The following MARCO variants were observed in gnomAD, a reference collection of about 807,000 sequenced individuals.
MARCO encodes the protein macrophage receptor with collagenous structure.
In MARCO, 72 loss-of-function variants were observed where a neutral mutation model predicts 70.0. The observed-to-expected ratio is 1.03, with a 90% CI of 0.85 to 1.25. MARCO has a LOEUF of 1.25. Ranked by LOEUF, MARCO falls within the 50% of genes most tolerant of loss-of-function variation. The pLI is 0.00. For synonymous variants in MARCO, 273 were observed against 243.1 expected, an observed-to-expected ratio of 1.12 and a Z score of -1.14; for missense variants, 696 against 659.3, an observed-to-expected ratio of 1.06 and a Z score of -0.61.
rs950675474 is a variant in MARCO, at chr2:118,994,475, T to C, written c.1518T>C (p.His506=). The change falls in exon 17 of 17, where the codon CAT becomes CAC. Residue 506 remains histidine, a synonymous_variant. Coordinates refer to ENST00000327097, the MANE Select transcript of MARCO (RefSeq NM_006770.4). ...WSCTKNSWGH[H]DCSHEEDAGV... ...GCACCAAGAATAGCTGGGGCCATCA[T>C]GACTGCAGCCACGAGGAGGACGCAG... 8.1e-6 allele frequency: 13 copies of C among 1,612,934 alleles called. No homozygotes were observed. Among genetic ancestry groups the C allele is most frequent in the Middle Eastern group, 3.3e-4 (2 of 6,072 alleles).
At chr2:118,952,081 C>T (rs1247651835) in intron 1 of MARCO, among the ~76,000 whole-genome samples, 1 of 152,132 alleles carries the variant, frequency 6.6e-6, no homozygotes, top group Non-Finnish European at 1.5e-5. Context: ...GGAGCTTAGC[C>T]TCTTTCTTAC....
intron 10 of MARCO, among the ~76,000 whole-genome samples, chr2:118,981,922 G>A (rs1409876473): frequency 6.6e-6 from 1 of 152,148 alleles, no homozygotes; most frequent in Non-Finnish European, 1.5e-5. Flanking sequence ...CTCCTAGTAA[G>A]TCCATAAGTC....
At chr2:118,972,188 T>G (rs1174311564) in intron 4 of MARCO, among the ~76,000 whole-genome samples, 1 of 152,234 alleles carries the variant, frequency 6.6e-6, no homozygotes, top group African/African-American at 2.4e-5. Context: ...ATGTGCTCTC[T>G]GAGGACAAGG....
In MARCO at chr2:118,974,417, C is replaced by T. The variant is rs775466309; in HGVS notation, c.545C>T (p.Ala182Val). Residue 182 changes from alanine (A) to valine (V), a missense_variant, in exon 5 of 17, where the codon GCT becomes GTT. Physicochemically the swap from Ala to Val is moderately conservative, Grantham distance 64 (BLOSUM62 0). Around this residue, in one of 3 missense-constraint regions of MARCO, gnomAD observed 605 missense variants for 537.6 expected, o/e 1.13. Transcript: ENST00000327097. ...GPPAEKGAKGAMGRDGATGPS... is the reference protein window; with the variant it reads ...GPPAEKGAKGVMGRDGATGPS... ...CCTGCTGAGAAGGGAGCCAAGGGGG[C>T]TATGGGACGAGATGGAGCAACAGGT... 8.1e-6 allele frequency: 13 copies of T among 1,612,688 alleles called. No homozygotes were observed. The highest frequency in any genetic ancestry group is 2.2e-5 in the South Asian group (2 of 90,676).
chr2:118,979,557 C>A (rs553468371), intron 8 of MARCO, among the ~76,000 whole-genome samples: 18 of 152,288 alleles, frequency 1.2e-4, no homozygotes, highest in Non-Finnish European at 2.2e-4. Flanking sequence ...AGAGAAGGGG[C>A]CTCAGCCAGG....
In MARCO at chr2:118,986,722, A is replaced by AAAGAAAAG. The variant is rs1419714812; in HGVS notation, c.1064-3865_1064-3864insGAAAAGAA. 2.0e-5 allele frequency among the ~76,000 whole-genome samples: 2 copies of AAAGAAAAG among 98,982 alleles called. 1 individual carries two copies. The highest frequency in any genetic ancestry group is 1.7e-4 in the African/African-American group (2 of 12,070). The allele number at this position is 98,982 out of a possible 152,430, so 64.9% of individuals were successfully genotyped here. The stretch of plus-strand genomic sequence containing the variant: ...GAAAGAAAGAAAGAAAGAAAGAAAG[A>AAAGAAAAG]AAAGAAAGAAAGAAAGAGAAAGAAA... On this transcript the variant is annotated intron_variant, in intron 12 of 16. Coordinates refer to ENST00000327097, the MANE Select transcript of MARCO (RefSeq NM_006770.4).
At chr2:118,969,655 G>C (rs184502295) in intron 2 of MARCO, among the ~76,000 whole-genome samples, 2 of 152,320 alleles carry the variant, frequency 1.3e-5, no homozygotes, top group East Asian at 3.9e-4. Context: ...CCAATCTAAA[G>C]GTTAAAGTCA....
intron 3 of MARCO, among the ~76,000 whole-genome samples, chr2:118,970,553 G>A (rs946411368): frequency 6.6e-6 from 1 of 152,190 alleles, no homozygotes; most frequent in Admixed American, 6.5e-5. Context: ...GCCTGGGGCG[G>A]TTCCCTGGAC....
intron 1 of MARCO, among the ~76,000 whole-genome samples, chr2:118,947,205 T>A (rs1168157644): frequency 6.6e-6 from 1 of 152,236 alleles, no homozygotes; most frequent in Non-Finnish European, 1.5e-5. Flanking sequence ...GTATGTATTA[T>A]GCTTTCGGTG....
chr2:118,977,571 C>G (rs896700282), intron 7 of MARCO, 56 bp downstream of exon 7: 4 of 1,508,790 alleles, frequency 2.7e-6, no homozygotes, highest in Non-Finnish European at 2.8e-6. Context: ...GGCACTGAGG[C>G]AGTTCCCCCC....
intron 1 of MARCO, among the ~76,000 whole-genome samples, chr2:118,944,081 G>A (rs1238556489): frequency 6.6e-6 from 1 of 152,106 alleles, no homozygotes. Flanking sequence ...GGAGGAAGAC[G>A]CAGGAGTTAA....
rs1221791454 is a variant in MARCO, at chr2:118,982,188, C to T, written c.934C>T (p.Pro312Ser). ...TGGACTGCAGGGTGTTCCGGGCCCT[C>T]CTGGTGCAGTGGGACACCCAGGTGC... is the stretch of plus-strand genomic sequence containing the variant. The part of the protein sequence containing the change: ...QPGLQGVPGP[P>S]GAVGHPGAKG... Residue 312 changes from proline to serine, a missense_variant, in exon 11 of 17, where the codon CCT becomes TCT. Pro to Ser is a moderately conservative substitution (Grantham distance 74). Transcript: ENST00000327097. The T allele has an allele frequency of 1.2e-6, 2 of 1,613,130 alleles. No homozygotes were observed. The highest frequency in any genetic ancestry group is 2.2e-5 in the East Asian group (1 of 44,862).
intron 12 of MARCO, among the ~76,000 whole-genome samples, chr2:118,985,072 C>T (rs1413984053): frequency 1.3e-5 from 2 of 152,140 alleles, no homozygotes; most frequent in African/African-American, 4.8e-5. Flanking sequence ...GGGCCAGGCA[C>T]TGTGCCTGGG....
chr2:118,977,081 G>A (rs1680296046), intron 6 of MARCO, among the ~76,000 whole-genome samples: 1 of 152,144 alleles, frequency 6.6e-6, no homozygotes, highest in South Asian at 2.1e-4. Flanking sequence ...ACAAGAGCAG[G>A]AACTCACTCC....
intron 1 of MARCO, among the ~76,000 whole-genome samples, chr2:118,953,546 G>T (rs951302628): frequency 2.0e-5 from 3 of 152,150 alleles, no homozygotes; most frequent in East Asian, 1.9e-4. Context: ...TTCTGGAGGT[G>T]GGGGGAACGA....
chr2:118,951,738 T>C (rs371150919), intron 1 of MARCO, among the ~76,000 whole-genome samples: 1 of 152,246 alleles, frequency 6.6e-6, no homozygotes, highest in East Asian at 1.9e-4. Flanking sequence ...AAATTTACCC[T>C]GGCTTTTAAA....
At chr2:118,980,419 T>C (rs891360524) in intron 8 of MARCO, among the ~76,000 whole-genome samples, 2 of 152,212 alleles carry the variant, frequency 1.3e-5, no homozygotes, top group African/African-American at 4.8e-5. Context: ...CAGCACTCAA[T>C]GCTAAGACCC....
intron 12 of MARCO, among the ~76,000 whole-genome samples, chr2:118,986,422 G>C (rs1017776886): frequency 6.6e-6 from 1 of 151,766 alleles, no homozygotes; most frequent in Non-Finnish European, 1.5e-5. Flanking sequence ...GCTGAAGGAG[G>C]AGGAGAAGGA....
At chr2:118,987,796 C>T (rs1008405510) in intron 12 of MARCO, among the ~76,000 whole-genome samples, 1 of 152,232 alleles carries the variant, frequency 6.6e-6, no homozygotes, top group African/African-American at 2.4e-5. Flanking sequence ...TGTTTACTAA[C>T]AAGATGCACC....
Sources: allele counts gnomAD v4.1 joint callset (sites outside exome capture counted in the v4.1 genomes callset), GRCh38; gene constraint gnomAD v4.1.1; regional missense constraint gnomAD v4.1.1; transcripts MANE v1.5; gene names NCBI Gene and HGNC (gene_info 2026-07-23, HGNC 2026-07-21).